IQSEC3: variants seen among roughly 807,000 people sequenced by gnomAD.
IQSEC3 encodes IQ motif and SEC7 domain-containing protein 3.
Under a neutral mutation model 105.4 loss-of-function variants are expected in IQSEC3, and 50 were observed. The ratio of observed to expected loss-of-function variants is 0.47; its 90% CI spans 0.38 to 0.60. The LOEUF is 0.60. Among genes scored for constraint, IQSEC3 ranks in the 20% least tolerant of loss-of-function variants. IQSEC3 has a pLI of 0.00. For missense variants in IQSEC3, 1,415 were observed against 1,630.0 expected (o/e 0.87, Z 2.27); for synonymous variants, 708 against 746.0 (o/e 0.95, Z 0.83).
At chr12:156,418 G>C (rs2137038115) in intron 5 of IQSEC3, among the ~76,000 whole-genome samples, 1 of 152,266 alleles carries the variant, frequency 6.6e-6, no homozygotes, top group Admixed American at 6.5e-5. Flanking sequence ...TTTACTCTTA[G>C]GCTGTGCCTC....
intron 5 of IQSEC3, among the ~76,000 whole-genome samples, chr12:145,138 GT>G (rs1299795286): frequency 6.6e-6 from 1 of 152,232 alleles, no homozygotes; most frequent in Non-Finnish European, 1.5e-5. Context: ...CAGCCTGTTT[GT>G]TTTTAGAGAA....
rs914702860 is a variant in IQSEC3 at position 89,909 on chromosome 12, C to T, written c.555-9237C>T. ...CATGAATAGTTTCGTATCAGTATAA[C>T]TTTTTGTTTATCTTGGGTAAATACC... On this transcript the variant is annotated intron_variant, in intron 1 of 13. Transcript: ENST00000538872. Among the ~76,000 whole-genome samples the T allele has an allele frequency of 2.0e-5, 3 of 152,164 alleles. No individual in the cohort carries two copies. The East Asian group carries it at 5.8e-4, about 29-fold the overall frequency.
chr12:81,616 A>C (rs1863748042), intron 1 of IQSEC3, among the ~76,000 whole-genome samples: 1 of 152,142 alleles, frequency 6.6e-6, no homozygotes, highest in Admixed American at 6.6e-5. Context: ...ATGGGGGATG[A>C]GGAGGTTTGA....
chr12:172,057 C>T (rs547306212), intron 13 of IQSEC3, among the ~76,000 whole-genome samples: 1 of 152,250 alleles, frequency 6.6e-6, no homozygotes, highest in East Asian at 1.9e-4. Flanking sequence ...CCCGGCCTCC[C>T]GGGGCCACCG....
chr12:166,009 G>A, intron 11 of IQSEC3, 119 bp downstream of exon 11: 1 of 1,140,876 alleles, frequency 8.8e-7, no homozygotes, highest in Non-Finnish European at 1.2e-6. Context: ...CCCTCCCCGT[G>A]TCCAGGCCCC....
chr12:169,133 A>G (rs1192466865), intron 12 of IQSEC3, 28 bp downstream of exon 12: 4 of 1,601,818 alleles, frequency 2.5e-6, no homozygotes, highest in South Asian at 2.2e-5. Flanking sequence ...TCAGGGCACC[A>G]GTCCCCATGG....
chr12:163,416 C>T (rs925790346), intron 8 of IQSEC3, 78 bp from the exon 9 acceptor site: 2 of 1,463,968 alleles, frequency 1.4e-6, no homozygotes, highest in East Asian at 2.6e-5. Context: ...GCTGTCTCCT[C>T]TTCTGGAAAA....
intron 1 of IQSEC3, among the ~76,000 whole-genome samples, chr12:86,197 G>A (rs1026225508): frequency 2.6e-5 from 4 of 152,226 alleles, no homozygotes; most frequent in Non-Finnish European, 4.4e-5. Context: ...CGGCCTAGGT[G>A]GGGCAGAGGC....
rs186100890 is a variant in IQSEC3 at position 171,972 on chromosome 12, A to T, written c.3114+811A>T. On this transcript the variant is annotated intron_variant, in intron 13 of 13. Coordinates refer to ENST00000538872, the MANE Select transcript of IQSEC3 (RefSeq NM_001170738.2). ...GGGAGGAGTGTGCAGGTGCCCCTAC[A>T]AGCCTCGTGAGCCCCACCCCTCTCC... is the stretch of plus-strand genomic sequence containing the variant. Among the ~76,000 whole-genome samples, 13 of 152,098 alleles carry T rather than the reference A, an allele frequency of 8.5e-5. No individual in the cohort carries two copies. In the East Asian group the frequency reaches 2.5e-3, roughly 29 times the overall value.
In IQSEC3 at chr12:95,013, G is replaced by A. The variant is rs1864201751; in HGVS notation, c.555-4133G>A. ...CACCTAGGTCCACCTACCCTGCATT[G>A]TCTGGGCTCTTGCCTTCTTGCTCCT... On this transcript the variant is annotated intron_variant, in intron 1 of 13. Transcript: ENST00000538872. Among the ~76,000 whole-genome samples, 3 of 152,186 alleles carry A rather than the reference G, an allele frequency of 2.0e-5. No homozygotes were observed. The South Asian group carries it at 6.2e-4, about 32-fold the overall frequency.
intron 1 of IQSEC3, among the ~76,000 whole-genome samples, chr12:98,844 G>A (rs1864323130): frequency 6.6e-6 from 1 of 152,234 alleles, no homozygotes; most frequent in Non-Finnish European, 1.5e-5. Flanking sequence ...ACGCGAAAGA[G>A]CCTGCTGCGG....
intron 2 of IQSEC3, among the ~76,000 whole-genome samples, chr12:108,036 T>C (rs1790387314): frequency 6.6e-6 from 1 of 152,204 alleles, no homozygotes; most frequent in African/African-American, 2.4e-5. Context: ...TTAGGCCAAA[T>C]AGTTTAACTT....
intron 2 of IQSEC3, among the ~76,000 whole-genome samples, chr12:116,485 T>C (rs140826645): frequency 0.013 from 1,912 of 152,360 alleles, 15 homozygotes; most frequent in Non-Finnish European, 0.017. Flanking sequence ...CCGTGGTCCC[T>C]TTGGAACCTA....
intron 1 of IQSEC3, among the ~76,000 whole-genome samples, chr12:87,128 G>A (rs1309110370): frequency 6.6e-6 from 1 of 152,046 alleles, no homozygotes; most frequent in Admixed American, 6.5e-5. Context: ...CTGTAGTTTT[G>A]GCAGAGCTTA....
intron 1 of IQSEC3, among the ~76,000 whole-genome samples, chr12:93,608 C>T (rs955022111): frequency 6.6e-6 from 1 of 152,206 alleles, no homozygotes; most frequent in African/African-American, 2.4e-5. Context: ...TGCCCACGGT[C>T]TCAGTATGGC....
At chr12:135,333 G>A (rs1865728130) in intron 3 of IQSEC3, among the ~76,000 whole-genome samples, 1 of 152,188 alleles carries the variant, frequency 6.6e-6, no homozygotes, top group African/African-American at 2.4e-5. Flanking sequence ...AGTTCAGCAG[G>A]GAGAATGAGC....
chr12:170,993 T>A lies in IQSEC3; in HGVS notation c.3065-119T>A, dbSNP rs537429377. 41 of 1,248,506 alleles carry A rather than the reference T, an allele frequency of 3.3e-5. 1 individual carries two copies. The highest frequency in any genetic ancestry group is 4.7e-5 in the Non-Finnish European group (41 of 866,114). 77.3% of individuals were successfully genotyped at this position (1,248,506 alleles called of 1,614,324 possible). A position where few individuals can be genotyped will look rare whatever the true frequency, so the allele number is the denominator to read the frequency against. Reference sequence around the variant, plus strand: ...CAGAGTGGGGCTCCCAACCTCCGCCTCAGTGAGGAGCAGTGTGACCCCAAG... The same window carrying A: ...CAGAGTGGGGCTCCCAACCTCCGCCACAGTGAGGAGCAGTGTGACCCCAAG... On this transcript the variant is annotated intron_variant, in intron 12 of 13. Coordinates refer to ENST00000538872, the MANE Select transcript of IQSEC3 (RefSeq NM_001170738.2).
intron 6 of IQSEC3, 90 bp downstream of exon 6, chr12:157,237 G>A: frequency 4.2e-6 from 6 of 1,434,614 alleles, no homozygotes; most frequent in Non-Finnish European, 9.2e-7. Context: ...GATGCTATCA[G>A]GAGGGTTGGA....
At chr12:162,425 A>G (rs538628490) in intron 8 of IQSEC3, among the ~76,000 whole-genome samples, 2 of 152,232 alleles carry the variant, frequency 1.3e-5, no homozygotes, top group East Asian at 3.9e-4. Flanking sequence ...AAGGCAGGAA[A>G]TGGGCTCAAT....
Sources: allele counts gnomAD v4.1 joint callset (sites outside exome capture counted in the v4.1 genomes callset), GRCh38; gene constraint gnomAD v4.1.1; transcripts MANE v1.5; gene names NCBI Gene and HGNC (gene_info 2026-07-23, HGNC 2026-07-21).